The following DCC variants were observed in gnomAD, a reference collection of about 807,000 sequenced individuals.
The protein encoded by DCC is DCC netrin 1 receptor, also known as netrin receptor DCC.
Under a neutral mutation model 172.5 loss-of-function variants are expected in DCC, and 58 were observed. That is an observed-to-expected ratio of 0.34 (90% CI 0.27 to 0.42). The LOEUF is 0.42. Ranked by LOEUF, DCC falls within the 10% of genes least tolerant of loss-of-function variation. The pLI, the probability that DCC is intolerant of heterozygous loss-of-function variation, is 1.00. For missense variants in DCC, 1,740 were observed against 1,791.0 expected (o/e 0.97, Z 0.51); for synonymous variants, 709 against 644.5 (o/e 1.10, Z -1.52).
At chr18:52,588,934 T>A (rs1484888559) in intron 1 of DCC, among the ~76,000 whole-genome samples, 1 of 152,162 alleles carries the variant, frequency 6.6e-6, no homozygotes, top group Non-Finnish European at 1.5e-5. Context: ...CTTACGTAAT[T>A]CCAGGCAATA....
intron 5 of DCC, among the ~76,000 whole-genome samples, chr18:53,038,277 AC>A (rs1369710956): frequency 7.9e-5 from 12 of 152,018 alleles, no homozygotes; most frequent in African/African-American, 2.9e-4. Flanking sequence ...CAATAATAAT[AC>A]ATATGTAATA....
intron 1 of DCC, among the ~76,000 whole-genome samples, chr18:52,707,478 A>T (rs560772696): frequency 6.6e-6 from 1 of 152,348 alleles, no homozygotes; most frequent in East Asian, 1.9e-4. Flanking sequence ...CAGAACTATC[A>T]TATGATCCAA....
intron 1 of DCC, among the ~76,000 whole-genome samples, chr18:52,696,944 C>A (rs1349618318): frequency 6.6e-6 from 1 of 152,044 alleles, no homozygotes; most frequent in Non-Finnish European, 1.5e-5. Flanking sequence ...GGGATGGGAC[C>A]AAGTATCTGC....
chr18:53,256,772 G>T (rs1364782419), intron 12 of DCC, among the ~76,000 whole-genome samples: 1 of 152,164 alleles, frequency 6.6e-6, no homozygotes. Context: ...GCTTGATGGA[G>T]ATGGCATTGA....
chr18:52,587,483 C>T (rs2033701169), intron 1 of DCC, among the ~76,000 whole-genome samples: 1 of 152,202 alleles, frequency 6.6e-6, no homozygotes, highest in Non-Finnish European at 1.5e-5. Context: ...GGTTTTTGAC[C>T]ACTCAGAGAA....
At chr18:52,923,628 T>C in intron 3 of DCC, 79 bp from the exon 4 acceptor site, 1 of 1,155,584 alleles carries the variant, frequency 8.7e-7, no homozygotes, top group Non-Finnish European at 1.3e-6. Flanking sequence ...CATCTTTTGT[T>C]AGGAAAAAAA....
rs2038976342 is a variant in DCC, at chr18:52,851,607, C to A, written c.413-54437C>A. ...GAAAACCAAAATTCCCTTAGCCCTC[C>A]TAGTCTGCTCTTCTTTTCCAAACAA... is the stretch of plus-strand genomic sequence containing the variant. On this transcript the variant is annotated intron_variant, in intron 2 of 28. Transcript: ENST00000442544. 2.0e-5 allele frequency among the ~76,000 whole-genome samples: 3 copies of A among 152,116 alleles called. No homozygotes were observed. The South Asian group carries it at 6.2e-4, about 32-fold the overall frequency.
intron 1 of DCC, among the ~76,000 whole-genome samples, chr18:52,673,198 C>A (rs947316276): frequency 1.3e-5 from 2 of 152,204 alleles, no homozygotes; most frequent in South Asian, 4.1e-4. Flanking sequence ...AAAAGTCCCT[C>A]CCATTTTTAA....
chr18:52,543,262 C>G (rs905847871), intron 1 of DCC, among the ~76,000 whole-genome samples: 6 of 151,944 alleles, frequency 3.9e-5, no homozygotes, highest in African/African-American at 1.5e-4. Flanking sequence ...CCTATTCAAC[C>G]CAATATATTT....
chr18:53,352,165 A>T (rs1351219834), intron 15 of DCC, among the ~76,000 whole-genome samples: 1 of 152,082 alleles, frequency 6.6e-6, no homozygotes, highest in East Asian at 1.9e-4. Flanking sequence ...CAATTCACCA[A>T]CAAAATAATA....
chr18:53,111,443 A>C (rs2043330563), intron 7 of DCC, among the ~76,000 whole-genome samples: 1 of 149,190 alleles, frequency 6.7e-6, no homozygotes, highest in Non-Finnish European at 1.5e-5. Context: ...AGAAAGAAAG[A>C]TTAAAAAAAA....
chr18:52,626,818 G>A (rs1421663557), intron 1 of DCC, among the ~76,000 whole-genome samples: 1 of 152,142 alleles, frequency 6.6e-6, no homozygotes, highest in Admixed American at 6.5e-5. Context: ...AATCTAGAGA[G>A]GATTTAAAGT....
intron 1 of DCC, among the ~76,000 whole-genome samples, chr18:52,624,335 C>A (rs924290310): frequency 3.9e-5 from 6 of 152,094 alleles, no homozygotes; most frequent in African/African-American, 1.2e-4. Flanking sequence ...TAAAATAGTA[C>A]CTTTTTGTTA....
intron 23 of DCC, 51 bp from the exon 24 acceptor site, chr18:53,459,181 A>C: frequency 3.0e-6 from 4 of 1,342,446 alleles, no homozygotes; most frequent in Non-Finnish European, 4.3e-6. Context: ...AAAGAAAGGA[A>C]GTGCCATTGA....
At chr18:52,472,216 A>G (rs896801062) in intron 1 of DCC, among the ~76,000 whole-genome samples, 10 of 152,126 alleles carry the variant, frequency 6.6e-5, no homozygotes, top group African/African-American at 2.2e-4. Context: ...TTTACCCTCA[A>G]TAGACAAAAC....
At chr18:53,504,746 A>G (rs2046148991) in intron 27 of DCC, among the ~76,000 whole-genome samples, 3 of 152,214 alleles carry the variant, frequency 2.0e-5, no homozygotes, top group Admixed American at 2.0e-4. Flanking sequence ...AGCTCTGTTA[A>G]TTGCCCAGAG....
At chr18:52,468,085 C>G (rs757508229) in intron 1 of DCC, among the ~76,000 whole-genome samples, 6 of 152,044 alleles carry the variant, frequency 3.9e-5, no homozygotes, top group Non-Finnish European at 7.4e-5. Context: ...TTCATTCATT[C>G]AAAGGTTTTA....
At chr18:52,980,188 T>C (rs1219261246) in intron 5 of DCC, among the ~76,000 whole-genome samples, 1 of 152,202 alleles carries the variant, frequency 6.6e-6, no homozygotes, top group East Asian at 1.9e-4. Context: ...GAGCTCTTAC[T>C]CACCCAGCTG....
intron 22 of DCC, among the ~76,000 whole-genome samples, chr18:53,439,656 C>T (rs1354203051): frequency 1.3e-5 from 2 of 152,130 alleles, no homozygotes; most frequent in Non-Finnish European, 2.9e-5. Flanking sequence ...TTCATGTTTA[C>T]TCCTGTAGTT....
Sources: allele counts gnomAD v4.1 joint callset (sites outside exome capture counted in the v4.1 genomes callset), GRCh38; gene constraint gnomAD v4.1.1; transcripts MANE v1.5; gene names NCBI Gene and HGNC (gene_info 2026-07-23, HGNC 2026-07-21).